Variants in IQGAP2 observed in about 807,000 individuals in gnomAD.
The protein encoded by IQGAP2 is ras GTPase-activating-like protein IQGAP2.
A neutral mutation model predicts 201.3 loss-of-function variants in IQGAP2; 173 were observed. The ratio of observed to expected loss-of-function variants is 0.86; its 90% CI spans 0.76 to 0.98. The LOEUF (loss-of-function observed/expected upper bound fraction) is 0.98, where lower values mean the gene tolerates loss of function less well. Ranked by LOEUF, IQGAP2 falls within the 50% of genes least tolerant of loss-of-function variation. The pLI, the probability that IQGAP2 is intolerant of heterozygous loss-of-function variation, is 0.00. For synonymous variants in IQGAP2, 675 were observed against 673.9 expected, an observed-to-expected ratio of 1.00 and a Z score of -0.03; for missense variants, 1,687 against 1,864.8, an observed-to-expected ratio of 0.90 and a Z score of 1.76.
intron 21 of IQGAP2, among the ~76,000 whole-genome samples, chr5:76,662,416 T>G (rs1038875399): frequency 6.6e-6 from 1 of 152,206 alleles, no homozygotes; most frequent in Non-Finnish European, 1.5e-5. Context: ...CCCTCTCATC[T>G]GTATATGGCA....
rs915997667 is a variant in IQGAP2 at position 76,478,916 on chromosome 5, A to G, written c.146+17247A>G. Among the ~76,000 whole-genome samples, 12 of 152,160 alleles carry G rather than the reference A, an allele frequency of 7.9e-5. 1 individual carries two copies. Among genetic ancestry groups the G allele is most frequent in the African/African-American group, 2.9e-4 (12 of 41,514 alleles). The stretch of plus-strand genomic sequence containing the variant: ...AAGAACATTAATTTTAATTTTCTGT[A>G]CCTAGTTCATACTTGGGGTTTATTG... On this transcript the variant is annotated intron_variant, in intron 2 of 35. Transcript: ENST00000274364.
intron 8 of IQGAP2, 21 bp downstream of exon 8, chr5:76,590,607 A>G (rs749794411): frequency 6.4e-7 from 1 of 1,572,442 alleles, no homozygotes; most frequent in African/African-American, 1.4e-5. Flanking sequence ...TCTGAGTAAT[A>G]AAAACAGTAA....
At chr5:76,598,536 A>G (rs1276351154) in intron 10 of IQGAP2, among the ~76,000 whole-genome samples, 2 of 152,234 alleles carry the variant, frequency 1.3e-5, no homozygotes, top group African/African-American at 4.8e-5. Flanking sequence ...ATTTAAAATT[A>G]GATTGGTAAA....
intron 1 of IQGAP2, among the ~76,000 whole-genome samples, chr5:76,411,809 A>G (rs1751136722): frequency 6.6e-6 from 1 of 152,196 alleles, no homozygotes; most frequent in African/African-American, 2.4e-5. Flanking sequence ...AAAGTTTAAA[A>G]TCTCCACTGA....
Position 76,637,103 on chromosome 5 carries a change from C to T in IQGAP2, c.1850C>T (p.Ser617Leu), listed in dbSNP as rs752211022. ...KKYDYYYNTD[S>L]KESSWVTPES... is the part of the protein sequence containing the mutation. The stretch of plus-strand genomic sequence containing the variant: ...TATGACTACTATTACAACACTGATT[C>T]AAAAGAGAGTTCCTGGGTCACACCT... The change falls in exon 16 of 36, where the codon TCA becomes TTA. Residue 617 changes from serine to leucine, a missense_variant. Ser to Leu is a moderately radical substitution (Grantham distance 145). Coordinates refer to ENST00000274364, the MANE Select transcript of IQGAP2 (RefSeq NM_006633.5). 3 of 1,611,600 alleles carry T rather than the reference C, an allele frequency of 1.9e-6. No individual in the cohort carries two copies. Among genetic ancestry groups the T allele is most frequent in the Non-Finnish European group, 2.5e-6 (3 of 1,178,108 alleles).
chr5:76,446,181 C>T (rs939666283), intron 1 of IQGAP2, among the ~76,000 whole-genome samples: 7 of 152,122 alleles, frequency 4.6e-5, no homozygotes, highest in African/African-American at 9.7e-5. Context: ...TCCCAGCTTT[C>T]GCTTATTTTG....
At chr5:76,559,146 C>T (rs1482564478) in intron 2 of IQGAP2, among the ~76,000 whole-genome samples, 2 of 152,176 alleles carry the variant, frequency 1.3e-5, no homozygotes, top group Non-Finnish European at 2.9e-5. Context: ...CGTGATCCGC[C>T]CGCCTCAGCC....
chr5:76,636,360 C>T (rs1705311805), intron 15 of IQGAP2, among the ~76,000 whole-genome samples: 1 of 152,160 alleles, frequency 6.6e-6, no homozygotes, highest in African/African-American at 2.4e-5. Flanking sequence ...AGATTCTTGA[C>T]CAATCTAAGT....
chr5:76,514,549 A>C (rs1479127856), intron 2 of IQGAP2, among the ~76,000 whole-genome samples: 1 of 152,176 alleles, frequency 6.6e-6, no homozygotes, highest in African/African-American at 2.4e-5. Flanking sequence ...TCCTGAGTCT[A>C]TCATTCCCCT....
Position 76,455,879 on chromosome 5 carries a change from T to G in IQGAP2, c.47-5691T>G, listed in dbSNP as rs1479789735. The stretch of plus-strand genomic sequence containing the variant: ...TATTATGGTAGGTGGCCATAGTCGC[T>G]TACAGCCTTGTCTAACCCGAATATC... On this transcript the variant is annotated intron_variant, in intron 1 of 35. Transcript: ENST00000274364. 2.0e-5 allele frequency among the ~76,000 whole-genome samples: 3 copies of G among 152,316 alleles called. No homozygotes were observed. The East Asian group carries it at 5.8e-4, about 29-fold the overall frequency.
chr5:76,418,388 A>T (rs933294406), intron 1 of IQGAP2, among the ~76,000 whole-genome samples: 2 of 151,916 alleles, frequency 1.3e-5, no homozygotes, highest in African/African-American at 4.8e-5. Flanking sequence ...TTGAAAACAG[A>T]AGTTAATAGT....
intron 18 of IQGAP2, 28 bp downstream of exon 18, chr5:76,652,861 T>G (rs777582546): frequency 2.2e-6 from 3 of 1,369,310 alleles, no homozygotes; most frequent in Non-Finnish European, 3.1e-6. Flanking sequence ...CCATACCAAG[T>G]GCTTGGCTTA....
chr5:76,568,690 C>G (rs567879674), intron 3 of IQGAP2, among the ~76,000 whole-genome samples: 26 of 152,246 alleles, frequency 1.7e-4, no homozygotes, highest in African/African-American at 5.5e-4. Flanking sequence ...TGGGCTTGTG[C>G]TGGGTGGTTC....
At chr5:76,599,004 G>A (rs974913560) in intron 10 of IQGAP2, among the ~76,000 whole-genome samples, 3 of 152,114 alleles carry the variant, frequency 2.0e-5, no homozygotes, top group Admixed American at 6.6e-5. Context: ...CTCTGCAAAT[G>A]TATATATGAA....
chr5:76,602,892 G>A (rs1023630741), intron 11 of IQGAP2, among the ~76,000 whole-genome samples: 4 of 152,274 alleles, frequency 2.6e-5, no homozygotes, highest in South Asian at 2.1e-4. Context: ...CCTGTTCACC[G>A]TGGCTTCTAC....
chr5:76,665,198 T>C, intron 22 of IQGAP2, 23 bp downstream of exon 22: 2 of 1,604,728 alleles, frequency 1.2e-6, no homozygotes, highest in Non-Finnish European at 1.7e-6. Flanking sequence ...TATCGTTCAC[T>C]CTGAGTTTGG....
At position 76,665,246 on chromosome 5, in the gene IQGAP2, G is replaced by A. The variant is rs763833177; in HGVS notation, c.2679+71G>A. The A allele has an allele frequency of 4.7e-5, 64 of 1,349,988 alleles. No homozygotes were observed. In the Middle Eastern group the frequency reaches 2.0e-3, roughly 43 times the overall value. 83.6% of individuals were successfully genotyped at this position (1,349,988 alleles called of 1,614,324 possible). On this transcript the variant is annotated intron_variant, in intron 22 of 35. Transcript: ENST00000274364. ...GTTACATGTTTGTGGCTTACAGGGA[G>A]TATTTTGTCATGCTTCAGCTATAAT...
chr5:76,533,649 T>C (rs1383093347), intron 2 of IQGAP2, among the ~76,000 whole-genome samples: 1 of 152,152 alleles, frequency 6.6e-6, no homozygotes, highest in African/African-American at 2.4e-5. Flanking sequence ...CATGCCATTC[T>C]CCTGCCTCAG....
chr5:76,679,107 G>A (rs1745073662), intron 28 of IQGAP2, among the ~76,000 whole-genome samples: 1 of 152,110 alleles, frequency 6.6e-6, no homozygotes, highest in Non-Finnish European at 1.5e-5. Flanking sequence ...TGTTTTTGTG[G>A]TACATTATCT....
Sources: gnomAD v4.1 joint callset for allele counts (sites outside exome capture counted in the v4.1 genomes callset) on GRCh38, gnomAD v4.1.1 for gene constraint, MANE v1.5 for transcripts, NCBI Gene and HGNC (gene_info 2026-07-23, HGNC 2026-07-21) for gene names.